SCAI: variants seen among roughly 807,000 people sequenced by gnomAD.
SCAI encodes suppressor of cancer cell invasion, also known as protein SCAI.
SCAI carries 24 observed loss-of-function variants against 92.2 expected under a neutral mutation model. The ratio of observed to expected loss-of-function variants is 0.26; its 90% CI spans 0.19 to 0.37. The LOEUF (loss-of-function observed/expected upper bound fraction) is 0.37. Among genes scored for constraint, SCAI ranks in the 10% least tolerant of loss-of-function variants. SCAI has a pLI of 1.00. For missense variants in SCAI, 450 were observed against 736.2 expected (o/e 0.61, Z 4.50); for synonymous variants, 261 against 258.6 (o/e 1.01, Z -0.09).
intron 2 of SCAI, among the ~76,000 whole-genome samples, chr9:125,140,614 T>G (rs375333793): frequency 2.1e-5 from 3 of 145,362 alleles, no homozygotes; most frequent in East Asian, 4.1e-4. Flanking sequence ...AGCACTTTAG[T>G]AGGCCAAGGT....
At chr9:125,060,390 T>C (rs1366082435) in intron 2 of SCAI, among the ~76,000 whole-genome samples, 1 of 152,134 alleles carries the variant, frequency 6.6e-6, no homozygotes, top group Non-Finnish European at 1.5e-5. Flanking sequence ...TCAGCAGACA[T>C]CTTCAGAGTG....
chr9:125,052,623 C>CA (rs199785394), intron 3 of SCAI, among the ~76,000 whole-genome samples: 1,849 of 149,062 alleles, frequency 0.012, 93 homozygotes, highest in Admixed American at 0.084. Context: ...AACTTCATCT[C>CA]AAAAAAAAGA....
rs373009292 is a variant in SCAI at position 124,980,310 on chromosome 9, CT to C, written c.1327-4125del. On this transcript the variant is annotated intron_variant, in intron 14 of 17. Coordinates refer to ENST00000336505, the MANE Select transcript of SCAI (RefSeq NM_001144877.3). ...CCTTGCTAACGAACTTCTCTCCTGA[CT>C]TTTTTTTTTTTCCCCCAATAATACT... 6.8e-3 allele frequency among the ~76,000 whole-genome samples: 992 copies of C among 146,524 alleles called. 3 individuals are homozygous for C. The highest frequency in any genetic ancestry group is 0.014 in the African/African-American group (568 of 40,184).
At chr9:125,093,445 C>A (rs571942403) in intron 2 of SCAI, among the ~76,000 whole-genome samples, 1 of 152,142 alleles carries the variant, frequency 6.6e-6, no homozygotes, top group African/African-American at 2.4e-5. Flanking sequence ...CATGATCCAA[C>A]GTGGAAATGT....
rs559168639 is a variant in SCAI at position 124,984,655 on chromosome 9, A to G, written c.1327-8469T>C. ...ATAGTAGCCATGAACTAAAATGGGGAAAGCTGTATATGGAAGAGCCTAGGA... is the reference window on the plus strand; with the variant it reads ...ATAGTAGCCATGAACTAAAATGGGGGAAGCTGTATATGGAAGAGCCTAGGA... On this transcript the variant is annotated intron_variant, in intron 14 of 17. Transcript: ENST00000336505. Among the ~76,000 whole-genome samples the G allele has an allele frequency of 5.3e-5, 8 of 152,004 alleles. No individual in the cohort carries two copies. The East Asian group carries it at 1.5e-3, about 29-fold the overall frequency.
chr9:125,141,791 C>G (rs974892100), intron 2 of SCAI, among the ~76,000 whole-genome samples: 4 of 151,424 alleles, frequency 2.6e-5, no homozygotes, highest in Non-Finnish European at 4.4e-5. Flanking sequence ...AATATTTGGC[C>G]TCTCTGTGTC....
At chr9:125,028,035 T>C (rs1346097633) in intron 5 of SCAI, among the ~76,000 whole-genome samples, 1 of 152,210 alleles carries the variant, frequency 6.6e-6, no homozygotes, top group Non-Finnish European at 1.5e-5. Flanking sequence ...CTGAAAACCA[T>C]TCATTCACAT....
At chr9:125,070,823 G>A (rs553559903) in intron 2 of SCAI, among the ~76,000 whole-genome samples, 1 of 152,198 alleles carries the variant, frequency 6.6e-6, no homozygotes, top group Non-Finnish European at 1.5e-5. Flanking sequence ...GAGGCCAAGA[G>A]TTCAAGACTA....
chr9:125,137,471 G>A (rs916907963), intron 2 of SCAI, among the ~76,000 whole-genome samples: 1 of 152,196 alleles, frequency 6.6e-6, no homozygotes, highest in Non-Finnish European at 1.5e-5. Flanking sequence ...TCCCCACAGT[G>A]TACGCATCCC....
At chr9:125,127,760 C>A (rs111904139) in intron 2 of SCAI, among the ~76,000 whole-genome samples, 5,054 of 152,200 alleles carry the variant, frequency 0.033, 245 homozygotes, top group African/African-American at 0.11. Flanking sequence ...GTAATCCCAG[C>A]ACTTTGGGAG....
In SCAI at chr9:125,143,423, G is replaced by T; in HGVS notation, c.15C>A (p.Ala5=). 1 of 1,400,028 alleles carries T rather than the reference G, an allele frequency of 7.1e-7. No individual in the cohort carries two copies. The allele number at this position is 1,400,028 out of a possible 1,614,324, so 86.7% of individuals were successfully genotyped here. A position where few individuals can be genotyped will look rare whatever the true frequency, so the allele number is the denominator to read the frequency against. ...GACTCCGCGGCTGCTGGGGCTGCCG[G>T]GCTCCTCTGACCATCCGGCTCCTGC... is the stretch of plus-strand genomic sequence containing the variant. MVRG[A]RQPQQPRSRL... Residue 5 remains alanine (A), a synonymous_variant, in exon 1 of 18, where the codon GCC becomes GCA. Coordinates refer to ENST00000336505, the MANE Select transcript of SCAI (RefSeq NM_001144877.3).
At chr9:124,971,200 AT>A (rs1397321010) in intron 17 of SCAI, 169 bp downstream of exon 17, 1 of 422,652 alleles carries the variant, frequency 2.4e-6, no homozygotes, top group Non-Finnish European at 4.2e-6. Context: ...ATTCAAATGT[AT>A]TTTTTTACTT....
chr9:124,996,885 C>T (rs543088956), intron 13 of SCAI, among the ~76,000 whole-genome samples: 2 of 152,182 alleles, frequency 1.3e-5, no homozygotes, highest in Admixed American at 6.5e-5. Flanking sequence ...CCACTTCGGC[C>T]TCCCAAAGTG....
rs759451009 is a variant in SCAI at position 124,945,533 on chromosome 9, C to T, written c.*7274G>A. On this transcript the variant is annotated 3_prime_UTR_variant, in exon 18 of 18. Coordinates refer to ENST00000336505, the MANE Select transcript of SCAI (RefSeq NM_001144877.3). ...TCGCGCCATTGCATTCCAGCCTGGG[C>T]AACGAGCAAAACTCCATCTCAAAAA... The T allele has an allele frequency of 8.7e-5, 13 of 149,806 alleles. No individual in the cohort carries two copies. The highest frequency in any genetic ancestry group is 8.6e-4 in the Admixed American group (13 of 15,046). The allele number at this position is 149,806 out of a possible 1,614,324, so 9.3% of individuals were successfully genotyped here.
chr9:125,041,129 G>C (rs1291829868), intron 3 of SCAI, among the ~76,000 whole-genome samples: 4 of 152,124 alleles, frequency 2.6e-5, no homozygotes, highest in Non-Finnish European at 5.9e-5. Flanking sequence ...ACAATAGCAA[G>C]AATTAGCAAG....
rs1831187783 is a variant in SCAI at position 124,948,559 on chromosome 9, G to GAGTTTT, written c.*4242_*4247dup. ...AGACTGGGCTGAGATGAGGAGATCT[G>GAGTTTT]AGTTTTAGTTCTAGCTCTATCACTA... On this transcript the variant is annotated 3_prime_UTR_variant, in exon 18 of 18. Coordinates refer to ENST00000336505, the MANE Select transcript of SCAI (RefSeq NM_001144877.3). The GAGTTTT allele has an allele frequency of 6.6e-6, 1 of 152,230 alleles. No individual in the cohort carries two copies. The highest frequency in any genetic ancestry group is 2.1e-4 in the South Asian group (1 of 4,834). The allele number at this position is 152,230 out of a possible 1,614,324, so 9.4% of individuals were successfully genotyped here. A position where few individuals can be genotyped will look rare whatever the true frequency, so the allele number is the denominator to read the frequency against.
At chr9:124,997,028 C>T (rs1036817119) in intron 13 of SCAI, among the ~76,000 whole-genome samples, 12 of 152,172 alleles carry the variant, frequency 7.9e-5, no homozygotes, top group Admixed American at 7.9e-4. Context: ...TCCCTATTTT[C>T]CCCAATCCTC....
intron 17 of SCAI, among the ~76,000 whole-genome samples, chr9:124,965,113 C>T (rs529442729): frequency 2.6e-5 from 4 of 151,810 alleles, no homozygotes; most frequent in Non-Finnish European, 5.9e-5. Context: ...AAAGCTCTTT[C>T]GAAAATTATC....
intron 14 of SCAI, among the ~76,000 whole-genome samples, chr9:124,991,368 A>T (rs1008364649): frequency 1.3e-5 from 2 of 151,190 alleles, no homozygotes; most frequent in African/African-American, 4.8e-5. Flanking sequence ...AAAAAAAAAA[A>T]AAAAAAAAAA....
Sources: allele counts gnomAD v4.1 joint callset (sites outside exome capture counted in the v4.1 genomes callset), GRCh38; gene constraint gnomAD v4.1.1; transcripts MANE v1.5; gene names NCBI Gene and HGNC (gene_info 2026-07-23, HGNC 2026-07-21).